The following SLCO1B3 variants were observed in gnomAD, a reference collection of about 807,000 sequenced individuals.
SLCO1B3 encodes the protein solute carrier organic anion transporter family member 1B3, also known as liver-specific organic anion transporter 2.
A neutral mutation model predicts 71.8 loss-of-function variants in SLCO1B3; 72 were observed. The observed-to-expected ratio is 1.00, with a 90% CI of 0.83 to 1.22. SLCO1B3 has a LOEUF of 1.22. Ranked by LOEUF, SLCO1B3 falls within the 50% of genes most tolerant of loss-of-function variation. The pLI is 0.00. For synonymous variants in SLCO1B3, 298 were observed against 278.4 expected, an observed-to-expected ratio of 1.07 and a Z score of -0.70; for missense variants, 911 against 819.7, an observed-to-expected ratio of 1.11 and a Z score of -1.36.
At chr12:20,844,941 A>G in intron 3 of SLCO1B3, 1 of 199,268 alleles carries the variant, frequency 5.0e-6, no homozygotes, top group Non-Finnish European at 1.0e-5. Flanking sequence ...GAGGCAGGAG[A>G]ATTGCTTGAA....
At chr12:20,842,951 A>T (rs567726929) in intron 3 of SLCO1B3, among the ~76,000 whole-genome samples, 2 of 152,246 alleles carry the variant, frequency 1.3e-5, no homozygotes, top group Admixed American at 1.3e-4. Flanking sequence ...TCCCACTGTG[A>T]GATTACTGTA....
At chr12:20,824,805 A>G (rs1864387251) in intron 3 of SLCO1B3, among the ~76,000 whole-genome samples, 2 of 152,310 alleles carry the variant, frequency 1.3e-5, no homozygotes, top group Admixed American at 6.5e-5. Flanking sequence ...ACCTATTATT[A>G]ATAAATATAT....
At chr12:20,838,485 G>A (rs1345255645) in intron 3 of SLCO1B3, among the ~76,000 whole-genome samples, 1 of 151,956 alleles carries the variant, frequency 6.6e-6, no homozygotes, top group Non-Finnish European at 1.5e-5. Context: ...AACATTAAAT[G>A]ACAGGAATGC....
chr12:20,849,385 A>C (rs1424234476), intron 3 of SLCO1B3, among the ~76,000 whole-genome samples: 2 of 152,088 alleles, frequency 1.3e-5, no homozygotes, highest in Non-Finnish European at 2.9e-5. Flanking sequence ...GAAAACTAGT[A>C]ATATAAGGGA....
intron 3 of SLCO1B3, among the ~76,000 whole-genome samples, chr12:20,846,020 C>A (rs374708829): frequency 2.0e-5 from 3 of 150,588 alleles, no homozygotes; most frequent in East Asian, 1.9e-4. Context: ...AAATCGAAAT[C>A]AAAAAGTGAG....
chr12:20,878,041 G>A (rs1366793501), intron 10 of SLCO1B3, 105 bp downstream of exon 10: 4 of 753,436 alleles, frequency 5.3e-6, no homozygotes, highest in African/African-American at 3.8e-5. Context: ...TTTACTAAAT[G>A]TAATCTTATT....
chr12:20,829,681 G>A (rs2121124406), intron 3 of SLCO1B3, among the ~76,000 whole-genome samples: 1 of 152,258 alleles, frequency 6.6e-6, no homozygotes, highest in South Asian at 2.1e-4. Context: ...AAAAGTTAAA[G>A]CAAGTTTATT....
chr12:20,870,382 G>A (rs1307705186), intron 8 of SLCO1B3, among the ~76,000 whole-genome samples: 1 of 152,038 alleles, frequency 6.6e-6, no homozygotes, highest in African/African-American at 2.4e-5. Context: ...TGTGCTTTTG[G>A]TGGTACATCC....
At chr12:20,866,980 A>G (rs1865385957) in intron 8 of SLCO1B3, among the ~76,000 whole-genome samples, 1 of 152,120 alleles carries the variant, frequency 6.6e-6, no homozygotes, top group Non-Finnish European at 1.5e-5. Context: ...AAGTTATGAC[A>G]GTTTCCTTCC....
chr12:20,852,459 A>G (rs1199759471), intron 3 of SLCO1B3, among the ~76,000 whole-genome samples: 1 of 152,240 alleles, frequency 6.6e-6, no homozygotes, highest in Non-Finnish European at 1.5e-5. Context: ...AGACTGGGCA[A>G]CAGAGCAAGA....
intron 15 of SLCO1B3, among the ~76,000 whole-genome samples, chr12:20,913,643 A>G (rs1866430739): frequency 6.6e-6 from 1 of 152,232 alleles, no homozygotes; most frequent in Non-Finnish European, 1.5e-5. Context: ...TAATGTTATC[A>G]GTGTATATCT....
chr12:20,916,176 T>G lies in SLCO1B3; in HGVS notation c.2038T>G (p.Phe680Val), dbSNP rs1189483757. 2 of 1,612,080 alleles carry G rather than the reference T, an allele frequency of 1.2e-6. No homozygotes were observed. Among genetic ancestry groups the G allele is most frequent in the East Asian group, 4.5e-5 (2 of 44,738 alleles). Reference protein sequence around the residue: ...NLEFLNNGEHFVPSAGTDSKT... With the variant: ...NLEFLNNGEHVVPSAGTDSKT... ...AGAATTCTTAAATAATGGTGAACAT[T>G]TTGTACCTTCTGCTGGAACAGATAG... The change falls in exon 16 of 16, where the codon TTT becomes GTT. Residue 680 changes from phenylalanine (F) to valine (V), a missense_variant. Transcript: ENST00000381545.
At chr12:20,860,123 T>C (rs1865228371) in intron 5 of SLCO1B3, among the ~76,000 whole-genome samples, 2 of 151,836 alleles carry the variant, frequency 1.3e-5, no homozygotes, top group African/African-American at 4.8e-5. Context: ...GCCCGGCTAA[T>C]TTTTTGTATT....
At chr12:20,846,663 T>TG (rs1310738838) in intron 3 of SLCO1B3, among the ~76,000 whole-genome samples, 1 of 152,120 alleles carries the variant, frequency 6.6e-6, no homozygotes, top group East Asian at 1.9e-4. Context: ...TGAGGAATGA[T>TG]GCAAAAAACA....
chr12:20,888,458 T>A (rs1281846981), intron 13 of SLCO1B3, among the ~76,000 whole-genome samples: 1 of 151,958 alleles, frequency 6.6e-6, no homozygotes, highest in African/African-American at 2.4e-5. Flanking sequence ...TCATTGTAAA[T>A]GGGATTAAGT....
chr12:20,825,056 C>G (rs1012125542), intron 3 of SLCO1B3, among the ~76,000 whole-genome samples: 7 of 152,128 alleles, frequency 4.6e-5, no homozygotes, highest in Non-Finnish European at 8.8e-5. Flanking sequence ...TTAAATCTGT[C>G]TCTCAAATCT....
intron 3 of SLCO1B3, among the ~76,000 whole-genome samples, chr12:20,834,789 A>G (rs1458733168): frequency 3.3e-5 from 5 of 152,032 alleles, no homozygotes; most frequent in African/African-American, 9.7e-5. Flanking sequence ...GCACAGTGCA[A>G]TCCACAGTGT....
At chr12:20,813,912 T>C (rs1864147411) in intron 2 of SLCO1B3, among the ~76,000 whole-genome samples, 1 of 152,182 alleles carries the variant, frequency 6.6e-6, no homozygotes, top group Non-Finnish European at 1.5e-5. Flanking sequence ...GAATCAATTG[T>C]ACATATAACC....
At chr12:20,864,312 T>G (rs1865329973) in intron 8 of SLCO1B3, among the ~76,000 whole-genome samples, 1 of 151,780 alleles carries the variant, frequency 6.6e-6, no homozygotes, top group Non-Finnish European at 1.5e-5. Context: ...TTACCCACCA[T>G]CTCTTTGAGA....
Sources: allele counts gnomAD v4.1 joint callset (sites outside exome capture counted in the v4.1 genomes callset), GRCh38; gene constraint gnomAD v4.1.1; transcripts MANE v1.5; gene names NCBI Gene and HGNC (gene_info 2026-07-23, HGNC 2026-07-21).